IMP4: variants seen among roughly 807,000 people sequenced by gnomAD.
The protein encoded by IMP4 is U3 small nucleolar ribonucleoprotein IMP4.
Under a neutral mutation model 42.7 loss-of-function variants are expected in IMP4, and 30 were observed. That is an observed-to-expected ratio of 0.70 (90% CI 0.53 to 0.95). The LOEUF (loss-of-function observed/expected upper bound fraction) is 0.95. IMP4 is among the 40% of genes least tolerant of loss of function. IMP4 has a pLI of 0.00. For synonymous variants in IMP4, 165 were observed against 165.2 expected (o/e 1.00, Z 0.01); for missense variants, 382 against 411.4 (o/e 0.93, Z 0.62).
Position 130,342,912 on chromosome 2 carries a change from C to T in IMP4, c.-21C>T. On this transcript the variant is annotated 5_prime_UTR_variant, in exon 1 of 9. Coordinates refer to ENST00000259239, the MANE Select transcript of IMP4 (RefSeq NM_033416.3). ...AGGAGCCCACAGATTCTCCCGGACCCACGTGGAAGCGGCACTCAAGATGGT... is the reference window on the plus strand; with the variant it reads ...AGGAGCCCACAGATTCTCCCGGACCTACGTGGAAGCGGCACTCAAGATGGT... The T allele has an allele frequency of 6.2e-7, 1 of 1,614,050 alleles. No individual in the cohort carries two copies.
chr2:130,345,398 T>C lies in IMP4; in HGVS notation c.219T>C (p.Asp73=), dbSNP rs1322310426. The change falls in exon 4 of 9, where the codon GAT becomes GAC. Residue 73 remains aspartate (D), a synonymous_variant. Coordinates refer to ENST00000259239, the MANE Select transcript of IMP4 (RefSeq NM_033416.3). The surrounding 1 kb of genome is among the most constrained non-coding windows in gnomAD (Gnocchi z 4.9). ...GGEGVTSHVD[D]EYRWAGVEDP... ...CAGGTGTGACCAGCCACGTGGATGA[T>C]GAATACCGATGGGCAGGAGTCGAGG... 6.2e-6 allele frequency: 10 copies of C among 1,613,840 alleles called. No homozygotes were observed. The highest frequency in any genetic ancestry group is 8.5e-6 in the Non-Finnish European group (10 of 1,179,926).
chr2:130,346,984 C>T lies in IMP4; in HGVS notation c.*516C>T, dbSNP rs1679627838. ...TTTGTGTCTGGCTTATTTCTATTAA[C>T]ATAATGTTCTCCAGGTTCCTCCATG... is the stretch of plus-strand genomic sequence containing the variant. On this transcript the variant is annotated 3_prime_UTR_variant, in exon 9 of 9. Coordinates refer to ENST00000259239, the MANE Select transcript of IMP4 (RefSeq NM_033416.3). The T allele has an allele frequency of 6.2e-6, 1 of 161,760 alleles. No homozygotes were observed. Among genetic ancestry groups the T allele is most frequent in the Non-Finnish European group, 1.4e-5 (1 of 72,858 alleles). 10.0% of individuals were successfully genotyped at this position (161,760 alleles called of 1,614,324 possible). A position where few individuals can be genotyped will look rare whatever the true frequency, so the allele number is the denominator to read the frequency against.
intron 2 of IMP4, among the ~76,000 whole-genome samples, chr2:130,343,654 G>T (rs1438746440): frequency 6.6e-6 from 1 of 151,030 alleles, no homozygotes; most frequent in African/African-American, 2.4e-5. Context: ...CAGGAGAATC[G>T]CTTGAACCCG....
chr2:130,343,825 A>G (rs1255486043), intron 2 of IMP4, among the ~76,000 whole-genome samples: 2 of 151,840 alleles, frequency 1.3e-5, no homozygotes, highest in African/African-American at 4.8e-5. Flanking sequence ...TCCCTGCAGG[A>G]GTTCCTCTGA....
intron 2 of IMP4, 61 bp downstream of exon 2, chr2:130,343,255 G>A: frequency 1.7e-6 from 2 of 1,171,166 alleles, no homozygotes; most frequent in South Asian, 2.6e-5. Context: ...ATTTGTGTTC[G>A]AATATCCGAG....
Position 130,345,656 on chromosome 2 carries a change from C to T in IMP4, c.396C>T (p.Gly132=), listed in dbSNP as rs1490277181. The T allele has an allele frequency of 6.2e-6, 10 of 1,614,028 alleles. No homozygotes were observed. Among genetic ancestry groups the T allele is most frequent in the African/African-American group, 1.3e-5 (1 of 74,982 alleles). ...TGGTGCGAGCCTGCAAAGCCAACGG[C>T]GTCACCGATCTGCTGGTCGTTCACG... ...GALVRACKAN[G]VTDLLVVHEH... The change falls in exon 5 of 9, where the codon GGC becomes GGT. Residue 132 remains glycine (G), a synonymous_variant. Coordinates refer to ENST00000259239, the MANE Select transcript of IMP4 (RefSeq NM_033416.3). The surrounding 1 kb of genome is among the most constrained non-coding windows in gnomAD (Gnocchi z 4.9).
At position 130,345,920 on chromosome 2, in the gene IMP4, G is replaced by T. The variant is rs144350259; in HGVS notation, c.581G>T (p.Arg194Leu). 6.2e-6 allele frequency: 10 copies of T among 1,614,046 alleles called. No individual in the cohort carries two copies. The highest frequency in any genetic ancestry group is 5.5e-5 in the South Asian group (5 of 91,080). ...CTCATCACACACGGCTTCTCCTCCC[G>T]CCTGGGCAAGCGGGTGAGTCTGGGG... ...PHLITHGFSSRLGKRVSDILR... is the reference protein window; with the variant it reads ...PHLITHGFSSLLGKRVSDILR... Residue 194 changes from arginine (R) to leucine (L), a missense_variant, in exon 6 of 9, where the codon CGC (arginine) becomes CTC (leucine). Arg to Leu is a moderately radical substitution (Grantham distance 102, BLOSUM62 -2). Transcript: ENST00000259239. The surrounding 1 kb of genome is among the most constrained non-coding windows in gnomAD (Gnocchi z 4.9).
At chr2:130,346,146 C>G in intron 7 of IMP4, 34 bp downstream of exon 7, 1 of 1,612,544 alleles carries the variant, frequency 6.2e-7, no homozygotes, top group Non-Finnish European at 8.5e-7. Flanking sequence ...GGAAAGCATC[C>G]CCACCCTGTG....
At position 130,343,207 on chromosome 2, in the gene IMP4, CCCCGCGGGCGTCTGCGTGGTAAA is replaced by C; in HGVS notation, c.112+16_112+38del. The C allele has an allele frequency of 1.3e-6, 2 of 1,524,862 alleles. No individual in the cohort carries two copies. The highest frequency in any genetic ancestry group is 1.8e-6 in the Non-Finnish European group (2 of 1,123,496). 94.5% of individuals were successfully genotyped at this position (1,524,862 alleles called of 1,614,324 possible). On this transcript the variant is annotated intron_variant, in intron 2 of 8. Coordinates refer to ENST00000259239, the MANE Select transcript of IMP4 (RefSeq NM_033416.3). The stretch of plus-strand genomic sequence containing the variant: ...CGCGCGCTGGAAGGTAAGGCATCGG[CCCCGCGGGCGTCTGCGTGGTAAA>C]CCACCCCGGCACGCATTTGTGTTCG...
rs887455640 is a variant in IMP4, at chr2:130,347,220, G to C, written c.*752G>C. ...CAGAAGTGGGATTGCTGCATCAAAT[G>C]GTGGTTCTATTTTTAATTTTTTGAG... On this transcript the variant is annotated 3_prime_UTR_variant, in exon 9 of 9. Coordinates refer to ENST00000259239, the MANE Select transcript of IMP4 (RefSeq NM_033416.3). The C allele has an allele frequency of 2.0e-5, 3 of 152,116 alleles. No homozygotes were observed. Among genetic ancestry groups the C allele is most frequent in the Admixed American group, 2.0e-4 (3 of 15,264 alleles). The allele number at this position is 152,116 out of a possible 1,614,324, so 9.4% of individuals were successfully genotyped here.
In IMP4 at chr2:130,346,083, C is replaced by T. The variant is rs746466414; in HGVS notation, c.660C>T (p.Phe220=). Residue 220 remains phenylalanine, a synonymous_variant, in exon 7 of 9, where the codon TTC becomes TTT. Coordinates refer to ENST00000259239, the MANE Select transcript of IMP4 (RefSeq NM_033416.3). Reference sequence around the variant, plus strand: ...ATGACAGCCACCGGGTCATCACCTTCGCAAACCAGGACGACTACATATCAT... The same window carrying T: ...ATGACAGCCACCGGGTCATCACCTTTGCAAACCAGGACGACTACATATCAT... ...PKDDSHRVIT[F]ANQDDYISFR... is the part of the protein sequence containing the mutation. The T allele has an allele frequency of 1.5e-5, 25 of 1,614,108 alleles. No individual in the cohort carries two copies. Among genetic ancestry groups the T allele is most frequent in the Non-Finnish European group, 1.8e-5 (21 of 1,180,048 alleles).
At chr2:130,344,039 A>AT (rs1240045744) in intron 2 of IMP4, among the ~76,000 whole-genome samples, 24 of 152,248 alleles carry the variant, frequency 1.6e-4, no homozygotes, top group African/African-American at 5.3e-4. Context: ...TTCAAAAGTA[A>AT]TTTTTAAGGC....
At chr2:130,343,288 C>A in intron 2 of IMP4, 94 bp downstream of exon 2, 1 of 929,106 alleles carries the variant, frequency 1.1e-6, no homozygotes, top group Non-Finnish European at 1.7e-6. Flanking sequence ...TGCTTGCCGG[C>A]CGTTTTCCTT....
Position 130,343,124 on chromosome 2 carries a change from C to T in IMP4, c.42C>T (p.Tyr14=). ...REARLRREYL[Y]RKAREEAQRS... is the part of the protein sequence containing the mutation. ...CCCGCCTGCGCCGCGAGTACCTGTA[C>T]CGCAAGGCCCGGGAGGAGGCGCAGC... The change falls in exon 2 of 9, where the codon TAC becomes TAT. Residue 14 remains tyrosine, a synonymous_variant. Coordinates refer to ENST00000259239, the MANE Select transcript of IMP4 (RefSeq NM_033416.3). 2.6e-6 allele frequency: 4 copies of T among 1,555,170 alleles called. No homozygotes were observed. Among genetic ancestry groups the T allele is most frequent in the Non-Finnish European group, 3.5e-6 (4 of 1,148,478 alleles).
chr2:130,343,468 T>C (rs958068801), intron 2 of IMP4: 1 of 601,948 alleles, frequency 1.7e-6, no homozygotes, highest in South Asian at 1.6e-5. Context: ...AAATTCTCTT[T>C]AGAGCGGTGG....
chr2:130,346,212 A>G lies in IMP4; in HGVS notation c.701A>G (p.Tyr234Cys), dbSNP rs11542418. ...CTGTTCCCTCCCAGGCACCATGTGT[A>G]TAAGAAGACAGACCACCGCAACGTG... ...DDYISFRHHV[Y>C]KKTDHRNVEL... Residue 234 changes from tyrosine to cysteine, a missense_variant, in exon 8 of 9, where the codon TAT becomes TGT. Transcript: ENST00000259239. 25 of 1,614,032 alleles carry G rather than the reference A, an allele frequency of 1.5e-5. No individual in the cohort carries two copies. Among genetic ancestry groups the G allele is most frequent in the East Asian group, 4.5e-5 (2 of 44,870 alleles).
intron 2 of IMP4, 185 bp downstream of exon 2, chr2:130,343,379 C>T (rs754373846): frequency 1.5e-4 from 109 of 717,750 alleles, no homozygotes; most frequent in Non-Finnish European, 2.3e-4. Context: ...CGTTGCAGTA[C>T]CCGGGTTTTG....
At chr2:130,344,846 G>T in intron 3 of IMP4, 134 bp downstream of exon 3, 1 of 668,056 alleles carries the variant, frequency 1.5e-6, no homozygotes. Context: ...CTGCACAGAT[G>T]GCATTGCAGG....
rs1558831419 is a variant in IMP4 at position 130,346,005 on chromosome 2, C to G, written c.595-13C>G. 1 of 1,614,182 alleles carries G rather than the reference C, an allele frequency of 6.2e-7. No homozygotes were observed. The highest frequency in any genetic ancestry group is 1.1e-5 in the South Asian group (1 of 91,080). ...TTTGCCACTCTGTTTCCCTCTCTTT[C>G]CTTGTGCCCCAGGTCTCTGACATCC... On this transcript the variant is annotated splice_polypyrimidine_tract_variant and intron_variant, in intron 6 of 8. Transcript: ENST00000259239.
Sources: gnomAD v4.1 joint callset for allele counts (sites outside exome capture counted in the v4.1 genomes callset) on GRCh38, gnomAD v4.1.1 for gene constraint, Gnocchi (gnomAD v3.1) non-coding constraint, MANE v1.5 for transcripts, NCBI Gene and HGNC (gene_info 2026-07-23, HGNC 2026-07-21) for gene names.